Variants in ALPK2 observed in about 807,000 individuals in gnomAD.
ALPK2 encodes alpha kinase 2.
In ALPK2, 127 loss-of-function variants were observed where a neutral mutation model predicts 163.1. The observed-to-expected ratio is 0.78, with a 90% CI of 0.67 to 0.90. The LOEUF (loss-of-function observed/expected upper bound fraction) is 0.90. ALPK2 is among the 40% of genes least tolerant of loss of function. The pLI is 0.00. For missense variants in ALPK2, 2,360 were observed against 2,589.6 expected (o/e 0.91, Z 1.92); for synonymous variants, 953 against 959.1 (o/e 0.99, Z 0.12).
intron 12 of ALPK2, among the ~76,000 whole-genome samples, chr18:58,491,551 C>A (rs1407947364): frequency 6.6e-6 from 1 of 152,078 alleles, no homozygotes; most frequent in African/African-American, 2.4e-5. Flanking sequence ...GTCTTGTGGC[C>A]CCCACCCAGG....
chr18:58,481,622 C>A lies in ALPK2; in HGVS notation c.*201G>T. ...ATCGTTGATTCAATCTCCCCATAAACCTGGTCGCAAATCCTGTTCTGAAAT... is the reference window on the plus strand; with the variant it reads ...ATCGTTGATTCAATCTCCCCATAAAACTGGTCGCAAATCCTGTTCTGAAAT... On this transcript the variant is annotated 3_prime_UTR_variant, in exon 13 of 13. Coordinates refer to ENST00000361673, the MANE Select transcript of ALPK2 (RefSeq NM_052947.4). The A allele has an allele frequency of 3.4e-6, 2 of 595,210 alleles. No individual in the cohort carries two copies. Among genetic ancestry groups the A allele is most frequent in the Non-Finnish European group, 6.0e-6 (2 of 330,720 alleles). The allele number at this position is 595,210 out of a possible 1,614,324, so 36.9% of individuals were successfully genotyped here.
intron 4 of ALPK2, among the ~76,000 whole-genome samples, chr18:58,548,806 A>G (rs144921064): frequency 2.6e-5 from 4 of 152,294 alleles, no homozygotes; most frequent in Non-Finnish European, 5.9e-5. Flanking sequence ...ACTTGGTGCA[A>G]TGAGCATGGT....
chr18:58,512,160 T>A (rs1384124104), intron 10 of ALPK2: 1 of 152,224 alleles, frequency 6.6e-6, no homozygotes, highest in Non-Finnish European at 1.5e-5. Flanking sequence ...ACCGACCCCC[T>A]GTGGCTACTG....
chr18:58,550,643 A>G (rs2051752694), intron 4 of ALPK2, among the ~76,000 whole-genome samples: 2 of 151,800 alleles, frequency 1.3e-5, no homozygotes, highest in African/African-American at 2.4e-5. Context: ...ATCACGTACA[A>G]CCCCATCCCC....
chr18:58,578,597 A>C, intron 4 of ALPK2: 1 of 501,950 alleles, frequency 2.0e-6, no homozygotes, highest in Non-Finnish European at 3.5e-6. Context: ...CTTAGGGTTT[A>C]TCTGGGCCTT....
intron 6 of ALPK2, among the ~76,000 whole-genome samples, chr18:58,528,113 A>G (rs1023706959): frequency 1.3e-5 from 2 of 152,226 alleles, no homozygotes; most frequent in African/African-American, 4.8e-5. Flanking sequence ...GTTCACTTGA[A>G]CAAGCATTTA....
rs1464062384 is a variant in ALPK2, at chr18:58,619,257, C to A, written c.-20-7440G>T. Among the ~76,000 whole-genome samples the A allele has an allele frequency of 2.0e-5, 3 of 151,034 alleles. No homozygotes were observed. In the East Asian group the frequency reaches 5.8e-4, roughly 29 times the overall value. On this transcript the variant is annotated intron_variant, in intron 1 of 12. Coordinates refer to ENST00000361673, the MANE Select transcript of ALPK2 (RefSeq NM_052947.4). ...GATCGTATTTCATCTTCACAGTGAA[C>A]TTGTCTGGTGGGTGTTCTTTGCTAT...
chr18:58,627,492 C>T (rs1449277998), intron 1 of ALPK2, among the ~76,000 whole-genome samples: 2 of 152,080 alleles, frequency 1.3e-5, no homozygotes, highest in South Asian at 4.1e-4. Context: ...GGCATGGTGG[C>T]AGGCACCCGT....
intron 11 of ALPK2, among the ~76,000 whole-genome samples, chr18:58,500,709 G>A (rs1213444723): frequency 6.6e-6 from 1 of 151,960 alleles, no homozygotes; most frequent in Non-Finnish European, 1.5e-5. Flanking sequence ...TGGATCGCTT[G>A]AGGTCAGGAG....
chr18:58,583,673 G>T (rs1375534863), intron 3 of ALPK2, among the ~76,000 whole-genome samples: 1 of 150,104 alleles, frequency 6.7e-6, no homozygotes, highest in African/African-American at 2.5e-5. Context: ...AATTAGCCAG[G>T]CATGGTGATA....
chr18:58,520,393 C>T (rs2051543497), intron 8 of ALPK2, among the ~76,000 whole-genome samples: 1 of 117,028 alleles, frequency 8.5e-6, no homozygotes, highest in South Asian at 2.9e-4. Context: ...CTTGCCATTG[C>T]ACTTTAGCCT....
At chr18:58,588,437 G>A (rs1442357399) in intron 3 of ALPK2, among the ~76,000 whole-genome samples, 1 of 152,008 alleles carries the variant, frequency 6.6e-6, no homozygotes, top group Non-Finnish European at 1.5e-5. Context: ...TTAACTTCTG[G>A]GGTACATGTG....
At position 58,580,474 on chromosome 18, in the gene ALPK2, G is replaced by A. The variant is rs77676327; in HGVS notation, c.302C>T (p.Ser101Phe). Residue 101 changes from serine (S) to phenylalanine (F), a missense_variant, in exon 4 of 13, where the codon TCC (serine) becomes TTC (phenylalanine). Coordinates refer to ENST00000361673, the MANE Select transcript of ALPK2 (RefSeq NM_052947.4). ...NSFGMICCSASVEVECSSENP... is the reference protein window; with the variant it reads ...NSFGMICCSAFVEVECSSENP... Reference sequence around the variant, plus strand: ...CTCTGATGAGCACTCAACCTCAACGGAAGCAGAACAACAGATCATTCCAAA... The same window carrying A: ...CTCTGATGAGCACTCAACCTCAACGAAAGCAGAACAACAGATCATTCCAAA... The A allele has an allele frequency of 1.8e-4, 292 of 1,614,156 alleles. 1 individual carries two copies. The African/African-American group carries it at 3.7e-3, about 20-fold the overall frequency.
rs776574742 is a variant in ALPK2, at chr18:58,629,000, C to T, written c.-257G>A. 2.0e-5 allele frequency: 3 copies of T among 152,224 alleles called. No individual in the cohort carries two copies. The highest frequency in any genetic ancestry group is 4.4e-5 in the Non-Finnish European group (3 of 68,062). The allele number at this position is 152,224 out of a possible 1,614,324, so 9.4% of individuals were successfully genotyped here. A position where few individuals can be genotyped will look rare whatever the true frequency, so the allele number is the denominator to read the frequency against. On this transcript the variant is annotated 5_prime_UTR_variant, in exon 1 of 13. The change abolishes an upstream ATG in the 5' untranslated region. Coordinates refer to ENST00000361673, the MANE Select transcript of ALPK2 (RefSeq NM_052947.4). Reference sequence around the variant, plus strand: ...GCCCGGGGAAGTTCTGGAAGAAGAGCATTTTTTCCCCGCCCTTCAGTGAAC... The same window carrying T: ...GCCCGGGGAAGTTCTGGAAGAAGAGTATTTTTTCCCCGCCCTTCAGTGAAC...
intron 10 of ALPK2, among the ~76,000 whole-genome samples, chr18:58,506,024 C>T (rs746812798): frequency 6.6e-6 from 1 of 152,210 alleles, no homozygotes; most frequent in Non-Finnish European, 1.5e-5. Flanking sequence ...TGCCCACAAT[C>T]CCTAGCGACT....
In ALPK2 at chr18:58,535,838, G is replaced by A. The variant is rs1295567935; in HGVS notation, c.4349C>T (p.Ala1450Val). The A allele has an allele frequency of 6.2e-7, 1 of 1,614,188 alleles. No homozygotes were observed. Among genetic ancestry groups the A allele is most frequent in the Admixed American group, 1.7e-5 (1 of 60,012 alleles). ...CTGGAGACATGGAACTTGCAAAATG[G>A]CCGGCTGGATTTCCGCTTCGTGGCC... is the stretch of plus-strand genomic sequence containing the variant. ...NMGHEAEIQPAILQVPCLQGT... is the reference protein window; with the variant it reads ...NMGHEAEIQPVILQVPCLQGT... Residue 1450 changes from alanine (A) to valine (V), a missense_variant, in exon 5 of 13, where the codon GCC (alanine) becomes GTC (valine). Coordinates refer to ENST00000361673, the MANE Select transcript of ALPK2 (RefSeq NM_052947.4).
chr18:58,495,151 C>T (rs1439360980), intron 12 of ALPK2, among the ~76,000 whole-genome samples: 1 of 152,180 alleles, frequency 6.6e-6, no homozygotes, highest in Non-Finnish European at 1.5e-5. Context: ...GTCTCTCAAC[C>T]ACCTCTTATG....
chr18:58,597,596 G>A (rs1208070460), intron 3 of ALPK2, among the ~76,000 whole-genome samples: 1 of 152,188 alleles, frequency 6.6e-6, no homozygotes, highest in Non-Finnish European at 1.5e-5. Flanking sequence ...GATACTTAGT[G>A]TGTCTACTTA....
intron 4 of ALPK2, among the ~76,000 whole-genome samples, chr18:58,557,719 AT>A (rs58934007): frequency 9.6e-3 from 378 of 39,510 alleles, no homozygotes; most frequent in African/African-American, 0.036. Context: ...TTGTCATTGG[AT>A]TGTATTTATA....
Sources: gnomAD v4.1 joint callset for allele counts (sites outside exome capture counted in the v4.1 genomes callset) on GRCh38, gnomAD v4.1.1 for gene constraint, MANE v1.5 for transcripts, NCBI Gene and HGNC (gene_info 2026-07-23, HGNC 2026-07-21) for gene names.